The following TMEM132D variants were observed in gnomAD, a reference collection of about 807,000 sequenced individuals.
TMEM132D encodes mature OL transmembrane protein.
TMEM132D carries 21 observed loss-of-function variants against 62.3 expected under a neutral mutation model. The observed-to-expected ratio is 0.34, with a 90% CI of 0.24 to 0.49. The LOEUF is 0.49. Ranked by LOEUF, TMEM132D falls within the 20% of genes least tolerant of loss-of-function variation. TMEM132D has a pLI of 0.99. For synonymous variants in TMEM132D, 621 were observed against 575.6 expected (o/e 1.08, Z -1.13); for missense variants, 1,346 against 1,402.8 (o/e 0.96, Z 0.65).
chr12:129,244,775 G>A (rs1025940311), intron 4 of TMEM132D, among the ~76,000 whole-genome samples: 3 of 152,030 alleles, frequency 2.0e-5, no homozygotes, highest in African/African-American at 7.2e-5. Flanking sequence ...CGAGTACCTC[G>A]AATCACAGGT....
At chr12:129,190,066 G>A (rs534360208) in intron 5 of TMEM132D, among the ~76,000 whole-genome samples, 50 of 151,186 alleles carry the variant, frequency 3.3e-4, no homozygotes, top group African/African-American at 1.1e-3. Context: ...GTCTTGGGAC[G>A]GCCTGCAGAT....
intron 3 of TMEM132D, among the ~76,000 whole-genome samples, chr12:129,449,692 A>G (rs73427784): frequency 0.02 from 3,008 of 152,236 alleles, 100 homozygotes; most frequent in African/African-American, 0.067. Flanking sequence ...TGTGTGAAAA[A>G]TCTCAGCACA....
chr12:129,345,497 G>A (rs570053902), intron 3 of TMEM132D, among the ~76,000 whole-genome samples: 1 of 152,246 alleles, frequency 6.6e-6, no homozygotes, highest in African/African-American at 2.4e-5. Flanking sequence ...ATGTAATACT[G>A]GTATTTGGCT....
intron 2 of TMEM132D, among the ~76,000 whole-genome samples, chr12:129,629,830 G>A (rs1290253925): frequency 1.3e-5 from 2 of 152,138 alleles, no homozygotes; most frequent in East Asian, 3.8e-4. Context: ...ACCTAGCTTG[G>A]CTTGTGTTTG....
At chr12:129,297,071 A>G (rs1881596969) in intron 4 of TMEM132D, among the ~76,000 whole-genome samples, 1 of 152,174 alleles carries the variant, frequency 6.6e-6, no homozygotes, top group Admixed American at 6.5e-5. Flanking sequence ...TTCCTGTTTC[A>G]GAGTCTACAG....
At position 129,343,775 on chromosome 12, in the gene TMEM132D, A is replaced by C. The variant is rs552398497; in HGVS notation, c.1116-5958T>G. Among the ~76,000 whole-genome samples the C allele has an allele frequency of 8.5e-4, 128 of 150,904 alleles. 1 individual carries two copies. Among genetic ancestry groups the C allele is most frequent in the South Asian group, 3.4e-3 (16 of 4,730 alleles). ...AACAAAAAAAACAAAAAAAAACAAAAAAAAAAAACAAATGAGCCGGGCATG... is the reference window on the plus strand; with the variant it reads ...AACAAAAAAAACAAAAAAAAACAAACAAAAAAAACAAATGAGCCGGGCATG... On this transcript the variant is annotated intron_variant, in intron 3 of 8. Coordinates refer to ENST00000422113, the MANE Select transcript of TMEM132D (RefSeq NM_133448.3).
chr12:129,093,459 T>C (rs992419858), intron 5 of TMEM132D, among the ~76,000 whole-genome samples: 14 of 152,138 alleles, frequency 9.2e-5, no homozygotes, highest in Admixed American at 5.2e-4. Context: ...ATAAAATACC[T>C]AGGAATCCAA....
At chr12:129,439,992 A>G (rs1026074576) in intron 3 of TMEM132D, among the ~76,000 whole-genome samples, 2 of 152,074 alleles carry the variant, frequency 1.3e-5, no homozygotes, top group African/African-American at 2.4e-5. Flanking sequence ...CATGTCCCCA[A>G]TGGGAGGAGC....
intron 2 of TMEM132D, among the ~76,000 whole-genome samples, chr12:129,691,437 C>A (rs578151777): frequency 6.6e-6 from 1 of 152,054 alleles, no homozygotes; most frequent in Non-Finnish European, 1.5e-5. Context: ...AAATCCTACT[C>A]AGGCTAACAA....
chr12:129,599,727 G>A (rs1027436248), intron 2 of TMEM132D, among the ~76,000 whole-genome samples: 6 of 152,006 alleles, frequency 3.9e-5, no homozygotes, highest in African/African-American at 1.5e-4. Context: ...TTGGTTTTTG[G>A]TTTCCCAGTG....
chr12:129,374,591 G>A (rs1870727906), intron 3 of TMEM132D, among the ~76,000 whole-genome samples: 1 of 152,086 alleles, frequency 6.6e-6, no homozygotes, highest in Admixed American at 6.6e-5. Flanking sequence ...CGGCATAGAT[G>A]TTCAGCCTTG....
intron 4 of TMEM132D, among the ~76,000 whole-genome samples, chr12:129,293,614 G>A (rs1346708015): frequency 6.6e-6 from 1 of 152,126 alleles, no homozygotes; most frequent in Non-Finnish European, 1.5e-5. Context: ...CCTGCAATGA[G>A]ATGGTCCCAT....
At chr12:129,820,029 C>T (rs1250138871) in intron 1 of TMEM132D, among the ~76,000 whole-genome samples, 2 of 152,082 alleles carry the variant, frequency 1.3e-5, no homozygotes, top group African/African-American at 4.8e-5. Flanking sequence ...CCATGAAAAG[C>T]TCAGCACCTC....
rs993558625 is a variant in TMEM132D, at chr12:129,677,792, C to T, written c.968+22018G>A. The stretch of plus-strand genomic sequence containing the variant: ...CTCCCCAGTAACACCCTTCATCCTC[C>T]TTACTGGCTTCCTGTCCTAAATTTT... On this transcript the variant is annotated intron_variant, in intron 2 of 8. Coordinates refer to ENST00000422113, the MANE Select transcript of TMEM132D (RefSeq NM_133448.3). 6.6e-5 allele frequency among the ~76,000 whole-genome samples: 10 copies of T among 151,406 alleles called. No homozygotes were observed. The East Asian group carries it at 1.4e-3, about 21-fold the overall frequency.
At chr12:129,481,715 T>C (rs1009595479) in intron 3 of TMEM132D, among the ~76,000 whole-genome samples, 3 of 152,252 alleles carry the variant, frequency 2.0e-5, no homozygotes, top group Non-Finnish European at 2.9e-5. Context: ...TTACTGGTGA[T>C]AATGTTAATT....
At chr12:129,595,360 T>C (rs1878307518) in intron 2 of TMEM132D, among the ~76,000 whole-genome samples, 1 of 152,178 alleles carries the variant, frequency 6.6e-6, no homozygotes, top group African/African-American at 2.4e-5. Context: ...GCAATGTTAC[T>C]TTAGGATAAG....
At chr12:129,673,777 T>G (rs1313856706) in intron 2 of TMEM132D, among the ~76,000 whole-genome samples, 1 of 152,134 alleles carries the variant, frequency 6.6e-6, no homozygotes. Context: ...TTTCCAACCT[T>G]TGCTCCTTAG....
chr12:129,887,175 A>G (rs1030377656), intron 1 of TMEM132D, among the ~76,000 whole-genome samples: 3 of 152,148 alleles, frequency 2.0e-5, no homozygotes, highest in Non-Finnish European at 4.4e-5. Flanking sequence ...AACCAGGGGG[A>G]AAACATAAAA....
At chr12:129,236,536 A>G (rs1467646849) in intron 4 of TMEM132D, among the ~76,000 whole-genome samples, 4 of 151,132 alleles carry the variant, frequency 2.6e-5, no homozygotes, top group African/African-American at 9.8e-5. Flanking sequence ...AAAAAAGAAA[A>G]AAAAAAGAAA....
Sources: gnomAD v4.1 joint callset for allele counts (sites outside exome capture counted in the v4.1 genomes callset) on GRCh38, gnomAD v4.1.1 for gene constraint, MANE v1.5 for transcripts, NCBI Gene and HGNC (gene_info 2026-07-23, HGNC 2026-07-21) for gene names.